Variants in HEATR5A observed in about 807,000 individuals in gnomAD.
HEATR5A encodes HEAT repeat-containing protein 5A.
Under a neutral mutation model 218.8 loss-of-function variants are expected in HEATR5A, and 178 were observed. The ratio of observed to expected loss-of-function variants is 0.81; its 90% CI spans 0.72 to 0.92. HEATR5A has a LOEUF of 0.92. HEATR5A is among the 40% of genes least tolerant of loss of function. The pLI, the probability that HEATR5A is intolerant of heterozygous loss-of-function variation, is 0.00. For synonymous variants in HEATR5A, 864 were observed against 871.6 expected, an observed-to-expected ratio of 0.99 and a Z score of 0.15; for missense variants, 2,420 against 2,418.9, an observed-to-expected ratio of 1.00 and a Z score of -0.01.
intron 17 of HEATR5A, 49 bp from the exon 18 acceptor site, chr14:31,350,028 A>C: frequency 3.6e-5 from 46 of 1,279,282 alleles, no homozygotes; most frequent in Middle Eastern, 2.0e-4. Flanking sequence ...GTAAATTCTC[A>C]TATCCAGTTA....
chr14:31,369,569 C>G (rs1275089176), intron 13 of HEATR5A, among the ~76,000 whole-genome samples: 1 of 111,410 alleles, frequency 9.0e-6, no homozygotes, highest in Non-Finnish European at 1.7e-5. Flanking sequence ...GGAGATCACA[C>G]AAATGCACTC....
chr14:31,295,866 C>T, intron 34 of HEATR5A, 43 bp downstream of exon 34: 2 of 1,550,502 alleles, frequency 1.3e-6, no homozygotes, highest in Non-Finnish European at 8.8e-7. Context: ...AAAGGCCTAG[C>T]CATTGTCCTA....
intron 30 of HEATR5A, 126 bp downstream of exon 30, chr14:31,307,767 G>T: frequency 2.0e-6 from 2 of 992,080 alleles, no homozygotes; most frequent in Non-Finnish European, 1.5e-6. Context: ...AGGCCTAGCT[G>T]TGAGGCTGTA....
intron 7 of HEATR5A, 147 bp downstream of exon 7, chr14:31,388,696 AAT>A: frequency 1.9e-6 from 1 of 527,696 alleles, no homozygotes; most frequent in Non-Finnish European, 3.3e-6. Flanking sequence ...GTTTAAAAAA[AAT>A]GTTTTGGCCT....
At chr14:31,300,770 C>T (rs1899344811) in intron 33 of HEATR5A, among the ~76,000 whole-genome samples, 2 of 152,322 alleles carry the variant, frequency 1.3e-5, no homozygotes, top group South Asian at 2.1e-4. Context: ...GCCTTCCCCT[C>T]TTCCCTTCAC....
At chr14:31,345,892 G>A (rs1342821125) in intron 19 of HEATR5A, among the ~76,000 whole-genome samples, 1 of 145,346 alleles carries the variant, frequency 6.9e-6, no homozygotes, top group African/African-American at 2.5e-5. Flanking sequence ...TTTATGGCAG[G>A]TGCGCACACA....
chr14:31,316,404 T>C (rs1899913664), intron 26 of HEATR5A, among the ~76,000 whole-genome samples: 2 of 152,320 alleles, frequency 1.3e-5, no homozygotes, highest in African/African-American at 4.8e-5. Flanking sequence ...TATATTGCTA[T>C]TGCTTTCGAG....
intron 14 of HEATR5A, among the ~76,000 whole-genome samples, chr14:31,361,394 C>A (rs1901610717): frequency 6.6e-6 from 1 of 152,142 alleles, no homozygotes; most frequent in South Asian, 2.1e-4. Context: ...GGACAGGGAT[C>A]AGTGAAGTCA....
rs751691073 is a variant in HEATR5A at position 31,380,509 on chromosome 14, T to A, written c.1666A>T (p.Thr556Ser). ...GAAATCAGCAACCATCCAGCTTGTGTGCGCTGAGCTGAAAGGCGACTGTTT... is the reference window on the plus strand; with the variant it reads ...GAAATCAGCAACCATCCAGCTTGTGAGCGCTGAGCTGAAAGGCGACTGTTT... ...AQNSRLSAQR[T>S]QAGWLLISAL... Residue 556 changes from threonine (T) to serine (S), a missense_variant, in exon 11 of 36, where the codon ACA (threonine) becomes TCA (serine). Physicochemically the swap from Thr to Ser is moderately conservative, Grantham distance 58. Transcript: ENST00000543095. The A allele has an allele frequency of 6.2e-7, 1 of 1,609,274 alleles. No homozygotes were observed. Among genetic ancestry groups the A allele is most frequent in the Non-Finnish European group, 8.5e-7 (1 of 1,177,756 alleles).
chr14:31,362,401 A>T (rs1011888644), intron 14 of HEATR5A, among the ~76,000 whole-genome samples: 1 of 151,408 alleles, frequency 6.6e-6, no homozygotes, highest in Non-Finnish European at 1.5e-5. Flanking sequence ...AGAAAATCCA[A>T]GTTAAAAAAA....
chr14:31,338,911 G>A (rs893364284), intron 21 of HEATR5A, among the ~76,000 whole-genome samples: 1 of 152,028 alleles, frequency 6.6e-6, no homozygotes, highest in African/African-American at 2.4e-5. Context: ...GAGGTCAGGA[G>A]TTCAAAACCA....
chr14:31,405,024 G>A (rs1459543832), intron 1 of HEATR5A, among the ~76,000 whole-genome samples: 1 of 137,920 alleles, frequency 7.3e-6, no homozygotes, highest in African/African-American at 2.8e-5. Flanking sequence ...AGGAATTTGA[G>A]AGCAGCCTAG....
intron 14 of HEATR5A, among the ~76,000 whole-genome samples, chr14:31,360,786 C>G (rs1248291748): frequency 6.6e-6 from 1 of 151,904 alleles, no homozygotes; most frequent in African/African-American, 2.4e-5. Flanking sequence ...CCATCACTTT[C>G]TGTATCATTA....
At chr14:31,323,289 T>C (rs2139168769) in intron 24 of HEATR5A, among the ~76,000 whole-genome samples, 1 of 151,752 alleles carries the variant, frequency 6.6e-6, no homozygotes, top group Admixed American at 6.6e-5. Flanking sequence ...GCCTCCCCAG[T>C]AGCTGGAACT....
chr14:31,344,951 G>A (rs1429007307), intron 20 of HEATR5A, 136 bp downstream of exon 20: 2 of 688,024 alleles, frequency 2.9e-6, no homozygotes, highest in Non-Finnish European at 4.9e-6. Context: ...AGAGAAATCA[G>A]GCTGAATGGC....
chr14:31,337,461 G>T lies in HEATR5A; in HGVS notation c.3367+15C>A. ...AATCATTTGAGCTGGACATAATCTT[G>T]ATCAAGAGAATTACCTGGAGTCAAC... On this transcript the variant is annotated intron_variant, in intron 22 of 35. Transcript: ENST00000543095. The T allele has an allele frequency of 2.6e-6, 4 of 1,544,264 alleles. No homozygotes were observed. The highest frequency in any genetic ancestry group is 3.5e-6 in the Non-Finnish European group (4 of 1,141,820).
intron 1 of HEATR5A, chr14:31,420,142 C>G (rs979514836): frequency 6.6e-6 from 1 of 152,404 alleles, no homozygotes; most frequent in African/African-American, 2.4e-5. Flanking sequence ...CGGGCAGAGT[C>G]CACGCCTACC....
chr14:31,317,480 T>C (rs1899950896), intron 26 of HEATR5A, among the ~76,000 whole-genome samples: 1 of 151,456 alleles, frequency 6.6e-6, no homozygotes, highest in African/African-American at 2.4e-5. Flanking sequence ...CTATTTTTAG[T>C]AGACTGGGTT....
intron 26 of HEATR5A, among the ~76,000 whole-genome samples, chr14:31,317,811 CTTG>C (rs1446835692): frequency 6.6e-6 from 1 of 152,172 alleles, no homozygotes; most frequent in Non-Finnish European, 1.5e-5. Flanking sequence ...AAAACAGGTA[CTTG>C]TATAACATTG....
Sources: allele counts gnomAD v4.1 joint callset (sites outside exome capture counted in the v4.1 genomes callset), GRCh38; gene constraint gnomAD v4.1.1; transcripts MANE v1.5; gene names NCBI Gene and HGNC (gene_info 2026-07-23, HGNC 2026-07-21).